Variants in RANBP2 observed in about 807,000 individuals in gnomAD.
The protein encoded by RANBP2 is E3 SUMO-protein ligase RanBP2.
In RANBP2, 57 loss-of-function variants were observed where a neutral mutation model predicts 303.6. The observed-to-expected ratio is 0.19, with a 90% confidence interval of 0.15 to 0.23. The LOEUF (loss-of-function observed/expected upper bound fraction) is 0.23, where lower values mean the gene tolerates loss of function less well. RANBP2 is among the 10% of genes least tolerant of loss of function. RANBP2 has a pLI of 1.00. For missense variants in RANBP2, 3,138 were observed against 3,780.8 expected, an observed-to-expected ratio of 0.83 and a Z score of 4.46; for synonymous variants, 1,167 against 1,301.5, an observed-to-expected ratio of 0.90 and a Z score of 2.23.
the RANBP2 span, among the ~76,000 whole-genome samples, chr2:109,210,761 A>G: frequency 1.3e-5 from 2 of 152,192 alleles, no homozygotes; most frequent in Non-Finnish European, 2.9e-5. Context: ...AATGCTGTGA[A>G]TTAGTCGACT....
At chr2:109,194,171 C>T in the RANBP2 span, among the ~76,000 whole-genome samples, 9,300 of 152,326 alleles carry the variant, frequency 0.061, 751 homozygotes, top group East Asian at 0.3. Flanking sequence ...CTTCCCAGCA[C>T]TGGTTGGAAT....
At chr2:108,895,676 T>C in the RANBP2 span, 3 of 152,202 alleles carry the variant, frequency 2.0e-5, no homozygotes, top group African/African-American at 4.8e-5. Flanking sequence ...GCCCCAATTA[T>C]AGAATCACTA....
At chr2:108,843,879 T>TGTGTGTGTGTG in the RANBP2 span, among the ~76,000 whole-genome samples, 1 of 126,204 alleles carries the variant, frequency 7.9e-6, no homozygotes, top group African/African-American at 2.7e-5. Flanking sequence ...TGTGTGTGTG[T>TGTGTGTGTGTG]TTCTTTCTTT....
At chr2:108,835,988 C>T in the RANBP2 span, among the ~76,000 whole-genome samples, 2 of 152,134 alleles carry the variant, frequency 1.3e-5, no homozygotes, top group Admixed American at 1.3e-4. Flanking sequence ...GAGCCCAGTC[C>T]CACACGCCTT....
chr2:108,854,392 TTTTG>T, the RANBP2 span, among the ~76,000 whole-genome samples: 10,508 of 151,942 alleles, frequency 0.069, 462 homozygotes, highest in South Asian at 0.15. Context: ...GGAAGGTCTT[TTTTG>T]TTTGTTTGTT....
chr2:108,835,915 G>A, the RANBP2 span, among the ~76,000 whole-genome samples: 1 of 152,142 alleles, frequency 6.6e-6, no homozygotes, highest in African/African-American at 2.4e-5. Context: ...ACATGGCACA[G>A]GGCAGAAGAG....
chr2:108,838,325 T>G, the RANBP2 span, among the ~76,000 whole-genome samples: 6 of 152,058 alleles, frequency 3.9e-5, no homozygotes, highest in African/African-American at 1.4e-4. Flanking sequence ...TACAGAAAAT[T>G]TTACAAAATA....
the RANBP2 span, among the ~76,000 whole-genome samples, chr2:108,861,950 T>G: frequency 1.3e-5 from 2 of 152,208 alleles, no homozygotes; most frequent in East Asian, 3.9e-4. Flanking sequence ...TTTTGTTGTT[T>G]ACCCAAAAGT....
At chr2:109,222,497 AT>A in the RANBP2 span, among the ~76,000 whole-genome samples, 20,989 of 147,692 alleles carry the variant, frequency 0.14, 2,675 homozygotes, top group African/African-American at 0.36. Context: ...CTCCAAAAAA[AT>A]AAAAAGAGTC....
At chr2:108,944,553 G>A in the RANBP2 span, among the ~76,000 whole-genome samples, 9 of 152,150 alleles carry the variant, frequency 5.9e-5, no homozygotes, top group Non-Finnish European at 1.0e-4. Flanking sequence ...CTCCTGGATT[G>A]ATAATGGGCT....
chr2:109,352,071 G>A, the RANBP2 span, among the ~76,000 whole-genome samples: 1 of 152,198 alleles, frequency 6.6e-6, no homozygotes, highest in East Asian at 1.9e-4. Flanking sequence ...ATAATGCATG[G>A]TGACTCGAAC....
chr2:109,577,895 G>T, the RANBP2 span, among the ~76,000 whole-genome samples: 2 of 122,416 alleles, frequency 1.6e-5, no homozygotes, highest in Non-Finnish European at 3.2e-5. Context: ...CCTGGGTGAC[G>T]AAGTGAGACT....
chr2:109,287,299 C>T, the RANBP2 span, among the ~76,000 whole-genome samples: 1 of 152,168 alleles, frequency 6.6e-6, no homozygotes, highest in African/African-American at 2.4e-5. Context: ...CCCTGGATTC[C>T]TGATGCCCTG....
At chr2:109,771,509 A>G in the RANBP2 span, among the ~76,000 whole-genome samples, 2 of 87,880 alleles carry the variant, frequency 2.3e-5, 1 homozygote, top group Non-Finnish European at 4.1e-5. Context: ...GGACTCTCTT[A>G]TTTGTGTTCC....
At chr2:109,291,201 A>C in the RANBP2 span, among the ~76,000 whole-genome samples, 1 of 152,220 alleles carries the variant, frequency 6.6e-6, no homozygotes, top group Admixed American at 6.5e-5. Flanking sequence ...TTCCTTTGAA[A>C]ATGCTGTCAG....
chr2:108,837,004 A>G, the RANBP2 span, among the ~76,000 whole-genome samples: 1 of 152,054 alleles, frequency 6.6e-6, no homozygotes, highest in Non-Finnish European at 1.5e-5. Flanking sequence ...GCCATCTGAG[A>G]AGAGAGATGA....
the RANBP2 span, among the ~76,000 whole-genome samples, chr2:109,715,830 C>T: frequency 1.3e-5 from 2 of 152,074 alleles, no homozygotes; most frequent in African/African-American, 4.8e-5. Flanking sequence ...GAGCTATGTG[C>T]CAGGAAACAG....
the RANBP2 span, among the ~76,000 whole-genome samples, chr2:109,286,482 C>T: frequency 2.6e-5 from 4 of 152,178 alleles, no homozygotes; most frequent in Admixed American, 1.3e-4. Flanking sequence ...CACAGTCCCG[C>T]ACAAGGCCAT....
the RANBP2 span, among the ~76,000 whole-genome samples, chr2:108,988,170 C>T: frequency 6.6e-6 from 1 of 152,328 alleles, no homozygotes; most frequent in East Asian, 1.9e-4. Context: ...AACTGTCCCT[C>T]TTGTTGCTGA....
Sources: allele counts gnomAD v4.1 joint callset (sites outside exome capture counted in the v4.1 genomes callset), GRCh38; gene constraint gnomAD v4.1.1; transcripts MANE v1.5; gene names NCBI Gene and HGNC (gene_info 2026-07-23, HGNC 2026-07-21).